DLGAP1: variants seen among roughly 807,000 people sequenced by gnomAD.
DLGAP1 encodes the protein disks large-associated protein 1.
In DLGAP1, 11 loss-of-function variants were observed where a neutral mutation model predicts 90.8. The ratio of observed to expected loss-of-function variants is 0.12; its 90% CI spans 0.08 to 0.20. The LOEUF (loss-of-function observed/expected upper bound fraction) is 0.20. Ranked by LOEUF, DLGAP1 falls within the 10% of genes least tolerant of loss-of-function variation. The pLI is 1.00. For synonymous variants in DLGAP1, 558 were observed against 540.7 expected, an observed-to-expected ratio of 1.03 and a Z score of -0.44; for missense variants, 1,050 against 1,333.8, an observed-to-expected ratio of 0.79 and a Z score of 3.31.
rs577834497 is a variant in DLGAP1, at chr18:3,651,914, C to G, written c.1592-69666G>C. Reference sequence around the variant, plus strand: ...TGAGCCCAGGAGGCGGAGGTTGCAGCGAGCCGAGATCACGCCACTGCGCTC... The same window carrying G: ...TGAGCCCAGGAGGCGGAGGTTGCAGGGAGCCGAGATCACGCCACTGCGCTC... On this transcript the variant is annotated intron_variant, in intron 7 of 12. Coordinates refer to ENST00000315677, the MANE Select transcript of DLGAP1 (RefSeq NM_004746.4). Among the ~76,000 whole-genome samples the G allele has an allele frequency of 4.0e-5, 6 of 151,284 alleles. No individual in the cohort carries two copies. The East Asian group carries it at 1.2e-3, about 29-fold the overall frequency.
chr18:3,575,265 T>C (rs940429355), intron 8 of DLGAP1, among the ~76,000 whole-genome samples: 1 of 152,190 alleles, frequency 6.6e-6, no homozygotes, highest in African/African-American at 2.4e-5. Flanking sequence ...GGACAGGTAT[T>C]AAAGGAAATA....
At chr18:3,896,416 A>T (rs1425404982) in intron 3 of DLGAP1, 2 of 152,244 alleles carry the variant, frequency 1.3e-5, no homozygotes, top group Non-Finnish European at 2.9e-5. Flanking sequence ...GAAAAGATGA[A>T]TATACAAAAA....
intron 3 of DLGAP1, among the ~76,000 whole-genome samples, chr18:3,913,776 A>T (rs2072084708): frequency 1.3e-5 from 2 of 152,224 alleles, no homozygotes; most frequent in Non-Finnish European, 1.5e-5. Flanking sequence ...CTTCTCCCTA[A>T]TCTACTACGG....
chr18:4,216,731 T>C (rs1349082724), intron 1 of DLGAP1, among the ~76,000 whole-genome samples: 2 of 152,106 alleles, frequency 1.3e-5, no homozygotes, highest in Admixed American at 6.6e-5. Context: ...GTAGACCTTA[T>C]TTTTAGAGCA....
intron 1 of DLGAP1, among the ~76,000 whole-genome samples, chr18:4,223,546 T>C (rs922206823): frequency 1.3e-5 from 2 of 152,208 alleles, no homozygotes; most frequent in Non-Finnish European, 2.9e-5. Context: ...CTAGTTTACA[T>C]AGTTAGAAAA....
intron 1 of DLGAP1, among the ~76,000 whole-genome samples, chr18:4,203,844 A>C (rs943453683): frequency 1.3e-5 from 2 of 152,218 alleles, no homozygotes; most frequent in African/African-American, 4.8e-5. Flanking sequence ...ATGTATATGA[A>C]CACAGGGTGC....
intron 3 of DLGAP1, among the ~76,000 whole-genome samples, chr18:3,904,092 T>C (rs1216207102): frequency 7.9e-5 from 12 of 152,214 alleles, no homozygotes; most frequent in Admixed American, 7.9e-4. Context: ...CTGTTCCTTT[T>C]ACACCATCAA....
chr18:3,723,651 G>C (rs1934842284), intron 7 of DLGAP1, among the ~76,000 whole-genome samples: 1 of 152,068 alleles, frequency 6.6e-6, no homozygotes, highest in Non-Finnish European at 1.5e-5. Context: ...TAGGATGACT[G>C]ACTTGGAATG....
At chr18:4,333,568 C>T (rs1196291147) in intron 1 of DLGAP1, among the ~76,000 whole-genome samples, 1 of 150,210 alleles carries the variant, frequency 6.7e-6, no homozygotes, top group Non-Finnish European at 1.5e-5. Context: ...CTTTGGAACC[C>T]GGTATCAGTG....
chr18:4,300,727 C>T (rs1028908403), intron 1 of DLGAP1, among the ~76,000 whole-genome samples: 1 of 152,102 alleles, frequency 6.6e-6, no homozygotes, highest in African/African-American at 2.4e-5. Context: ...TTTGAGTTCT[C>T]ATATGTTAAA....
chr18:4,278,062 T>C (rs1221713344), intron 1 of DLGAP1, among the ~76,000 whole-genome samples: 1 of 152,132 alleles, frequency 6.6e-6, no homozygotes, highest in African/African-American at 2.4e-5. Flanking sequence ...CCTTTGGCTC[T>C]TTTTTATTAT....
At chr18:4,055,718 G>A (rs955982003) in intron 2 of DLGAP1, among the ~76,000 whole-genome samples, 4 of 152,152 alleles carry the variant, frequency 2.6e-5, no homozygotes, top group African/African-American at 9.7e-5. Context: ...ACCTGGCACT[G>A]TTTGGTGAAC....
At chr18:4,359,083 GT>G (rs2081581363) in intron 1 of DLGAP1, among the ~76,000 whole-genome samples, 1 of 152,180 alleles carries the variant, frequency 6.6e-6, no homozygotes, top group African/African-American at 2.4e-5. Flanking sequence ...TCTAATTTAT[GT>G]TTTAAAAAGA....
rs1478962643 is a variant in DLGAP1 at position 3,678,151 on chromosome 18, A to G, written c.1591+50984T>C. On this transcript the variant is annotated intron_variant, in intron 7 of 12. Transcript: ENST00000315677. The stretch of plus-strand genomic sequence containing the variant: ...TAATTTTTGTATTTTTAGTAGAGAC[A>G]GGGTTTCACCATGTTGGCCAGGCTG... 1.1e-3 allele frequency among the ~76,000 whole-genome samples: 133 copies of G among 126,590 alleles called. No individual in the cohort carries two copies. In the Middle Eastern group the frequency reaches 0.038, roughly 37 times the overall value. The allele number at this position is 126,590 out of a possible 152,430, so 83.0% of individuals were successfully genotyped here. A position where few individuals can be genotyped will look rare whatever the true frequency, so the allele number is the denominator to read the frequency against.
At chr18:4,371,101 T>C (rs2081906392) in intron 1 of DLGAP1, among the ~76,000 whole-genome samples, 1 of 152,234 alleles carries the variant, frequency 6.6e-6, no homozygotes, top group Non-Finnish European at 1.5e-5. Context: ...GTTGTTGTAG[T>C]TGTATTCATT....
intron 1 of DLGAP1, among the ~76,000 whole-genome samples, chr18:4,272,158 A>G (rs906104151): frequency 6.6e-6 from 1 of 152,216 alleles, no homozygotes; most frequent in Admixed American, 6.5e-5. Flanking sequence ...ATTGCGTAAG[A>G]AATATATATT....
Position 3,965,218 on chromosome 18 carries a change from G to C in DLGAP1, c.-73+39898C>G, listed in dbSNP as rs117997291. 3.9e-4 allele frequency among the ~76,000 whole-genome samples: 60 copies of C among 152,300 alleles called. 1 individual carries two copies. The East Asian group carries it at 0.011, about 28-fold the overall frequency. On this transcript the variant is annotated intron_variant, in intron 3 of 12. Coordinates refer to ENST00000315677, the MANE Select transcript of DLGAP1 (RefSeq NM_004746.4). The stretch of plus-strand genomic sequence containing the variant: ...CAAAGCCTAGAATCACTGTCAAAAT[G>C]TCAATATGGGCACTTGGACTAATTC...
chr18:3,853,271 T>C (rs1004580691), intron 4 of DLGAP1, among the ~76,000 whole-genome samples: 1 of 152,170 alleles, frequency 6.6e-6, no homozygotes, highest in Non-Finnish European at 1.5e-5. Context: ...AGGTTGAGTA[T>C]TCCTTATCTG....
chr18:3,646,658 C>T (rs1781614275), intron 7 of DLGAP1, among the ~76,000 whole-genome samples: 2 of 152,224 alleles, frequency 1.3e-5, no homozygotes, highest in Non-Finnish European at 2.9e-5. Flanking sequence ...GGCACGGTGG[C>T]TCATGCCTGT....
Sources: allele counts gnomAD v4.1 joint callset (sites outside exome capture counted in the v4.1 genomes callset), GRCh38; gene constraint gnomAD v4.1.1; transcripts MANE v1.5; gene names NCBI Gene and HGNC (gene_info 2026-07-23, HGNC 2026-07-21).